PLRG1: variants seen among roughly 807,000 people sequenced by gnomAD.
The protein encoded by PLRG1 is pleiotropic regulator 1 (PRL1 homolog, Arabidopsis).
Under a neutral mutation model 74.9 loss-of-function variants are expected in PLRG1, and 28 were observed. The observed-to-expected ratio is 0.37, with a 90% CI of 0.28 to 0.51. The LOEUF is 0.51. Ranked by LOEUF, PLRG1 falls within the 20% of genes least tolerant of loss-of-function variation. The pLI is 0.91. For synonymous variants in PLRG1, 197 were observed against 212.4 expected, an observed-to-expected ratio of 0.93 and a Z score of 0.63; for missense variants, 445 against 631.9, an observed-to-expected ratio of 0.70 and a Z score of 3.17.
chr4:154,535,138 G>A lies in PLRG1; in HGVS notation c.*1547C>T, dbSNP rs1729421936. The A allele has an allele frequency of 6.6e-6, 1 of 152,002 alleles. No individual in the cohort carries two copies. Among genetic ancestry groups the A allele is most frequent in the African/African-American group, 2.4e-5 (1 of 41,414 alleles). The allele number at this position is 152,002 out of a possible 1,614,324, so 9.4% of individuals were successfully genotyped here. The stretch of plus-strand genomic sequence containing the variant: ...TCCTAACAAAGCCACTGTTAGTAAT[G>A]TGGTGTTACTTATATTTTAGAGCAT... On this transcript the variant is annotated 3_prime_UTR_variant, in exon 15 of 15. Coordinates refer to ENST00000499023, the MANE Select transcript of PLRG1 (RefSeq NM_002669.4).
intron 3 of PLRG1, 50 bp downstream of exon 3, chr4:154,547,661 T>C: frequency 6.4e-7 from 1 of 1,552,654 alleles, no homozygotes; most frequent in Non-Finnish European, 8.9e-7. Flanking sequence ...TATTTTTCTG[T>C]TTTTAAAATT....
chr4:154,546,396 T>C (rs767409709), intron 4 of PLRG1, 183 bp from the exon 5 acceptor site: 207 of 569,594 alleles, frequency 3.6e-4, no homozygotes, highest in Non-Finnish European at 5.5e-4. Flanking sequence ...TACTGCTTAA[T>C]AACACGTAAC....
chr4:154,542,314 T>A, intron 7 of PLRG1, 35 bp from the exon 8 acceptor site: 1 of 1,335,562 alleles, frequency 7.5e-7, no homozygotes, highest in Non-Finnish European at 1.1e-6. Context: ...CAGGCCAACG[T>A]AGAAGTTAAA....
In PLRG1 at chr4:154,540,711, G is replaced by GA; in HGVS notation, c.838-17dup. 1 of 1,610,712 alleles carries GA rather than the reference G, an allele frequency of 6.2e-7. No individual in the cohort carries two copies. Among genetic ancestry groups the GA allele is most frequent in the Non-Finnish European group, 8.5e-7 (1 of 1,177,132 alleles). On this transcript the variant is annotated splice_polypyrimidine_tract_variant and intron_variant, in intron 9 of 14. Coordinates refer to ENST00000499023, the MANE Select transcript of PLRG1 (RefSeq NM_002669.4). ...GCCGTATAACCTAAAGACAAAGCAG[G>GA]AAAGTTAAAACTTCTAGAATTAGAA...
At chr4:154,546,948 G>A in intron 4 of PLRG1, 63 bp downstream of exon 4, 1 of 1,174,522 alleles carries the variant, frequency 8.5e-7, no homozygotes, top group Non-Finnish European at 1.3e-6. Flanking sequence ...CTCATTATTG[G>A]CTCGTTAGTG....
chr4:154,548,224 A>T (rs1482137938), intron 2 of PLRG1, among the ~76,000 whole-genome samples: 2 of 152,216 alleles, frequency 1.3e-5, no homozygotes, highest in Non-Finnish European at 2.9e-5. Context: ...CCTTTACTAG[A>T]TGTATCCAAA....
intron 3 of PLRG1, 65 bp downstream of exon 3, chr4:154,547,644 CAT>C (rs1729682556): frequency 7.0e-7 from 1 of 1,428,912 alleles, no homozygotes; most frequent in Non-Finnish European, 9.8e-7. Context: ...GCAAAAATAA[CAT>C]ATTTTATTTT....
chr4:154,542,302 G>A (rs767175069), intron 7 of PLRG1, 23 bp from the exon 8 acceptor site: 1 of 1,463,846 alleles, frequency 6.8e-7, no homozygotes. Context: ...AAGTAGAATG[G>A]GCAGGCCAAC....
intron 6 of PLRG1, among the ~76,000 whole-genome samples, chr4:154,545,411 A>G (rs1163684723): frequency 6.6e-6 from 1 of 152,202 alleles, no homozygotes; most frequent in Non-Finnish European, 1.5e-5. Context: ...ACAAACAGAT[A>G]AACTTATTTC....
rs1729442489 is a variant in PLRG1, at chr4:154,536,035, C to CT, written c.*649dup. On this transcript the variant is annotated 3_prime_UTR_variant, in exon 15 of 15. Coordinates refer to ENST00000499023, the MANE Select transcript of PLRG1 (RefSeq NM_002669.4). The stretch of plus-strand genomic sequence containing the variant: ...AAGGTAATCTCCAATGCCACTTACT[C>CT]TATGAAGTCTTCCACAATCCTTCCT... 2.0e-5 allele frequency: 3 copies of CT among 152,382 alleles called. No homozygotes were observed. The highest frequency in any genetic ancestry group is 6.6e-5 in the Admixed American group (1 of 15,264). 9.4% of individuals were successfully genotyped at this position (152,382 alleles called of 1,614,324 possible).
intron 12 of PLRG1, 180 bp downstream of exon 12, chr4:154,538,925 T>C (rs184303772): frequency 2.5e-5 from 13 of 526,198 alleles, no homozygotes; most frequent in South Asian, 1.6e-4. Context: ...TCATGTTTTA[T>C]AGGGCATGAA....
chr4:154,539,429 T>C (rs187606234), intron 11 of PLRG1, among the ~76,000 whole-genome samples: 7 of 152,210 alleles, frequency 4.6e-5, no homozygotes, highest in Admixed American at 1.3e-4. Context: ...TCACTGTCAA[T>C]TGAACAGCTA....
At chr4:154,539,267 A>G (rs934635928) in intron 11 of PLRG1, 54 bp from the exon 12 acceptor site, 37 of 1,012,614 alleles carry the variant, frequency 3.7e-5, no homozygotes, top group Non-Finnish European at 5.8e-5. Flanking sequence ...AAATAATGCA[A>G]AAGTTAAATA....
chr4:154,538,200 G>A (rs113087669), intron 12 of PLRG1, 92 bp from the exon 13 acceptor site: 3 of 560,340 alleles, frequency 5.4e-6, no homozygotes, highest in Non-Finnish European at 9.2e-6. Flanking sequence ...ATATTTTGCA[G>A]TGTGTACTCA....
chr4:154,545,960 T>A, intron 5 of PLRG1, 37 bp from the exon 6 acceptor site: 1 of 1,369,470 alleles, frequency 7.3e-7, no homozygotes, highest in Non-Finnish European at 1.0e-6. Flanking sequence ...AAGTAATTAA[T>A]GCCTCCAGTC....
Position 154,536,157 on chromosome 4 carries a change from T to TA in PLRG1, c.*527dup, listed in dbSNP as rs778662462. The TA allele has an allele frequency of 2.6e-5, 4 of 153,488 alleles. No individual in the cohort carries two copies. The highest frequency in any genetic ancestry group is 4.3e-5 in the Non-Finnish European group (3 of 69,156). 9.5% of individuals were successfully genotyped at this position (153,488 alleles called of 1,614,324 possible). ...TACTAAGCTACCAAACTGGAAGTCT[T>TA]AGAGGATAGACACATCTTACTTGTC... On this transcript the variant is annotated 3_prime_UTR_variant, in exon 15 of 15. Transcript: ENST00000499023.
Position 154,542,215 on chromosome 4 carries a change from A to G in PLRG1, c.659T>C (p.Val220Ala). 6.2e-7 allele frequency: 1 copy of G among 1,609,814 alleles called. No individual in the cohort carries two copies. Among genetic ancestry groups the G allele is most frequent in the Non-Finnish European group, 8.5e-7 (1 of 1,176,130 alleles). Residue 220 changes from valine (V) to alanine (A), a missense_variant, in exon 8 of 15, where the codon GTT (valine) becomes GCT (alanine). By Grantham distance (64) the Val-to-Ala change is moderately conservative. This residue lies in a region of PLRG1 where 221 missense variants were observed against 377.7 expected (regional missense o/e 0.59). Coordinates refer to ENST00000499023, the MANE Select transcript of PLRG1 (RefSeq NM_002669.4). Reference sequence around the variant, plus strand: ...TATAGTTCTGTCAGCAGATCCAGTAACAAACCACTGATTTCCAGGTTCCAC... The same window carrying G: ...TATAGTTCTGTCAGCAGATCCAGTAGCAAACCACTGATTTCCAGGTTCCAC... ...IAVEPGNQWF[V>A]TGSADRTIKI...
rs1397497588 is a variant in PLRG1 at position 154,538,980 on chromosome 4, G to A, written c.1151+125C>T. ...AAATAAAAGAAACACACGTTCCTAT[G>A]CGGCACAGGCCTAGAAATGACAGCA... On this transcript the variant is annotated intron_variant, in intron 12 of 14. Transcript: ENST00000499023. The A allele has an allele frequency of 7.6e-6, 5 of 658,588 alleles. No homozygotes were observed. In the Admixed American group the frequency reaches 1.2e-4, roughly 15 times the overall value. 40.8% of individuals were successfully genotyped at this position (658,588 alleles called of 1,614,324 possible).
chr4:154,536,659 A>AG lies in PLRG1; in HGVS notation c.*25_*26insC. On this transcript the variant is annotated 3_prime_UTR_variant, in exon 15 of 15. Transcript: ENST00000499023. The stretch of plus-strand genomic sequence containing the variant: ...TTTTTTTTAATTAAAAAGAAAAAAA[A>AG]AGAGAGAGAAAAAATTCCACATTCA... 1.6e-6 allele frequency: 2 copies of AG among 1,267,364 alleles called. No individual in the cohort carries two copies. Among genetic ancestry groups the AG allele is most frequent in the Non-Finnish European group, 2.3e-6 (2 of 887,044 alleles). The allele number at this position is 1,267,364 out of a possible 1,614,324, so 78.5% of individuals were successfully genotyped here. A position where few individuals can be genotyped will look rare whatever the true frequency, so the allele number is the denominator to read the frequency against.
Sources: allele counts gnomAD v4.1 joint callset (sites outside exome capture counted in the v4.1 genomes callset), GRCh38; gene constraint gnomAD v4.1.1; regional missense constraint gnomAD v4.1.1; transcripts MANE v1.5; gene names NCBI Gene and HGNC (gene_info 2026-07-23, HGNC 2026-07-21).